CHRNA3: variants seen among roughly 807,000 people sequenced by gnomAD.
CHRNA3 encodes cholinergic receptor nicotinic alpha 3 subunit.
CHRNA3 carries 34 observed loss-of-function variants against 41.9 expected under a neutral mutation model. That is an observed-to-expected ratio of 0.81 (90% CI 0.62 to 1.08). The LOEUF (loss-of-function observed/expected upper bound fraction) is 1.08. CHRNA3 is among the 50% of genes least tolerant of loss of function. CHRNA3 has a pLI of 0.00. For synonymous variants in CHRNA3, 281 were observed against 265.2 expected, an observed-to-expected ratio of 1.06 and a Z score of -0.58; for missense variants, 542 against 638.3, an observed-to-expected ratio of 0.85 and a Z score of 1.63.
downstream of CHRNA3, chr15:78,593,410 A>G (rs2053044425): frequency 1.6e-6 from 1 of 644,120 alleles, no homozygotes; most frequent in African/African-American, 1.9e-5. Flanking sequence ...ATCCATTTGA[A>G]CAGTTGGCTG....
chr15:78,614,149 T>C (rs890698206), intron 4 of CHRNA3, among the ~76,000 whole-genome samples: 10 of 152,232 alleles, frequency 6.6e-5, no homozygotes, highest in Admixed American at 2.6e-4. Context: ...CCTCTCATTA[T>C]TGCTAAAATC....
downstream of CHRNA3, chr15:78,593,459 T>C: frequency 2.5e-6 from 1 of 407,232 alleles, no homozygotes; most frequent in East Asian, 4.2e-5. Flanking sequence ...CATTTGATCT[T>C]GTAAAAATAG....
downstream of CHRNA3, chr15:78,595,237 C>T (rs1207550082): frequency 1.0e-6 from 1 of 955,252 alleles, no homozygotes; most frequent in Non-Finnish European, 1.2e-6. Context: ...ATTACTGTTA[C>T]TTATGATTTT....
At chr15:78,606,333 C>CAA (rs56305942) in intron 4 of CHRNA3, among the ~76,000 whole-genome samples, 26,066 of 126,904 alleles carry the variant, frequency 0.21, 2,968 homozygotes, top group Middle Eastern at 0.31. Flanking sequence ...GAAGATGTCT[C>CAA]AAAAAAAAAA....
At position 78,597,356 on chromosome 15, in the gene CHRNA3, G is replaced by T. The variant is rs554191513; in HGVS notation, c.1390-624C>A. 5.3e-5 allele frequency among the ~76,000 whole-genome samples: 8 copies of T among 152,294 alleles called. No individual in the cohort carries two copies. In the South Asian group the frequency reaches 1.7e-3, roughly 32 times the overall value. Reference sequence around the variant, plus strand: ...TGAGGCATGAGAATTTCTTGAACCCGGGAGGCGGAGGTTGCAGTGAGCAGA... The same window carrying T: ...TGAGGCATGAGAATTTCTTGAACCCTGGAGGCGGAGGTTGCAGTGAGCAGA... On this transcript the variant is annotated intron_variant, in intron 5 of 5. Transcript: ENST00000326828.
chr15:78,597,720 A>G (rs2053135360), intron 5 of CHRNA3, among the ~76,000 whole-genome samples: 1 of 152,196 alleles, frequency 6.6e-6, no homozygotes, highest in Admixed American at 6.5e-5. Context: ...AGGAAGGAAA[A>G]TTGTAATTAT....
rs200223257 is a variant in CHRNA3, at chr15:78,596,420, C to T, written c.*184G>A. On this transcript the variant is annotated 3_prime_UTR_variant, in exon 6 of 6. Coordinates refer to ENST00000326828, the MANE Select transcript of CHRNA3 (RefSeq NM_000743.5). ...AAAGGCTAGTTAAATGTTCATTTAT[C>T]GGTAATAAATACTCTTGACATTTTT... is the stretch of plus-strand genomic sequence containing the variant. The T allele has an allele frequency of 2.9e-5, 37 of 1,264,132 alleles. No individual in the cohort carries two copies. The highest frequency in any genetic ancestry group is 2.0e-4 in the South Asian group (7 of 35,540). The allele number at this position is 1,264,132 out of a possible 1,614,324, so 78.3% of individuals were successfully genotyped here. A position where few individuals can be genotyped will look rare whatever the true frequency, so the allele number is the denominator to read the frequency against.
At chr15:78,593,252 G>A (rs202044161), downstream of CHRNA3, 8 of 1,608,892 alleles carry the variant, frequency 5.0e-6, no homozygotes, top group South Asian at 2.2e-5. Flanking sequence ...GCAAATAAGT[G>A]AAGCCTCCCA....
At chr15:78,608,737 C>T (rs190295736) in intron 4 of CHRNA3, among the ~76,000 whole-genome samples, 1 of 152,138 alleles carries the variant, frequency 6.6e-6, no homozygotes, top group Admixed American at 6.5e-5. Flanking sequence ...CGGAGAATGA[C>T]TTTGACAAGT....
chr15:78,614,224 A>G (rs2053428722), intron 4 of CHRNA3, among the ~76,000 whole-genome samples: 1 of 152,208 alleles, frequency 6.6e-6, no homozygotes, highest in Admixed American at 6.5e-5. Context: ...TATAAAACGC[A>G]AAACATGAAG....
Position 78,595,548 on chromosome 15 carries a change from C to G in CHRNA3, c.*1056G>C. The G allele has an allele frequency of 3.9e-6, 1 of 253,684 alleles. No individual in the cohort carries two copies. The highest frequency in any genetic ancestry group is 6.2e-6 in the Non-Finnish European group (1 of 161,078). The allele number at this position is 253,684 out of a possible 1,614,324, so 15.7% of individuals were successfully genotyped here. A position where few individuals can be genotyped will look rare whatever the true frequency, so the allele number is the denominator to read the frequency against. On this transcript the variant is annotated 3_prime_UTR_variant, in exon 6 of 6. Coordinates refer to ENST00000326828, the MANE Select transcript of CHRNA3 (RefSeq NM_000743.5). ...TAACTGGTGAAGAAGCAAGGTATGT[C>G]ATTGGCATCTAGTGAGTTGAGGCTA...
At chr15:78,619,916 G>C (rs1334926767) in intron 1 of CHRNA3, 1 of 152,330 alleles carries the variant, frequency 6.6e-6, no homozygotes, top group African/African-American at 2.4e-5. Context: ...GGTTGAGAGC[G>C]TATGGCGTTC....
intron 4 of CHRNA3, among the ~76,000 whole-genome samples, chr15:78,604,158 G>A (rs1055802544): frequency 1.3e-5 from 2 of 152,208 alleles, no homozygotes; most frequent in Non-Finnish European, 2.9e-5. Context: ...GGGGAATAGT[G>A]CCACTGCCTT....
chr15:78,620,950 G>C lies in CHRNA3; in HGVS notation c.-156C>G. On this transcript the variant is annotated 5_prime_UTR_variant, in exon 1 of 6. Transcript: ENST00000326828. ...CTCCTCTCCGCTTCGCCGCCGCTGG[G>C]TTTCCAGCGCCCTCGGACCCGCGGG... 2 of 999,508 alleles carry C rather than the reference G, an allele frequency of 2.0e-6. No homozygotes were observed. The highest frequency in any genetic ancestry group is 4.8e-5 in the Admixed American group (1 of 20,672). The allele number at this position is 999,508 out of a possible 1,614,324, so 61.9% of individuals were successfully genotyped here.
rs747089373 is a variant in CHRNA3 at position 78,596,047 on chromosome 15, T to C, written c.*557A>G. On this transcript the variant is annotated 3_prime_UTR_variant, in exon 6 of 6. Coordinates refer to ENST00000326828, the MANE Select transcript of CHRNA3 (RefSeq NM_000743.5). ...TATATTAACAATGAATAACTAGGCA[T>C]GATTTCTCATGGTATAATTTAGAAG... 20 of 981,522 alleles carry C rather than the reference T, an allele frequency of 2.0e-5. No homozygotes were observed. Among genetic ancestry groups the C allele is most frequent in the Non-Finnish European group, 2.4e-5 (20 of 826,584 alleles). The allele number at this position is 981,522 out of a possible 1,614,324, so 60.8% of individuals were successfully genotyped here. A position where few individuals can be genotyped will look rare whatever the true frequency, so the allele number is the denominator to read the frequency against.
intron 3 of CHRNA3, among the ~76,000 whole-genome samples, 191 bp from the exon 4 acceptor site, chr15:78,617,324 G>A (rs566435500): frequency 1.1e-3 from 163 of 152,172 alleles, no homozygotes; most frequent in Middle Eastern, 0.01. Context: ...CTGGCTCTGC[G>A]GGCCACCTCC....
Position 78,601,258 on chromosome 15 carries a change from T to A in CHRNA3, c.1384A>T (p.Lys462Ter). The change falls in exon 5 of 6, where the codon AAA (lysine) becomes TAA (stop). Residue 462 changes from lysine to a stop codon, truncating the protein, a stop_gained. Coordinates refer to ENST00000326828, the MANE Select transcript of CHRNA3 (RefSeq NM_000743.5). LOFTEE classifies it high-confidence loss of function. ...AATAAAAGCCATATCCTTACCTCTT[T>A]GGCTTCATTTTGTGCTTTCATATTT... Reference protein sequence around the residue: ...AENMKAQNEAKEIQDDWKYVA... With the variant: ...AENMKAQNEA 1 of 1,612,682 alleles carries A rather than the reference T, an allele frequency of 6.2e-7. No individual in the cohort carries two copies. Among genetic ancestry groups the A allele is most frequent in the Middle Eastern group, 1.7e-4 (1 of 6,058 alleles).
At chr15:78,605,955 G>A (rs1012247415) in intron 4 of CHRNA3, among the ~76,000 whole-genome samples, 28 of 152,204 alleles carry the variant, frequency 1.8e-4, no homozygotes, top group Admixed American at 2.0e-4. Context: ...TTCCCCCCAA[G>A]AACTTGCCCT....
chr15:78,617,110 T>C lies in CHRNA3; in HGVS notation c.291A>G (p.Lys97=), dbSNP rs3743075. 1,016,988 of 1,610,160 alleles carry C rather than the reference T, an allele frequency of 0.63. 323,844 individuals carry two copies. Among genetic ancestry groups the C allele is most frequent in the Admixed American group, 0.81 (48,512 of 59,966 alleles). Residue 97 remains lysine, a synonymous_variant, in exon 4 of 6, where the codon AAA becomes AAG. Coordinates refer to ENST00000326828, the MANE Select transcript of CHRNA3 (RefSeq NM_000743.5). ...LKQIWNDYKL[K]WNPSDYGGAE... ...CCCCACCATAGTCAGAGGGGTTCCATTTCAGCTTGTAGTCATTCCAGATCT... is the reference window on the plus strand; with the variant it reads ...CCCCACCATAGTCAGAGGGGTTCCACTTCAGCTTGTAGTCATTCCAGATCT...
Sources: gnomAD v4.1 joint callset for allele counts (sites outside exome capture counted in the v4.1 genomes callset) on GRCh38, gnomAD v4.1.1 for gene constraint, MANE v1.5 for transcripts, NCBI Gene and HGNC (gene_info 2026-07-23, HGNC 2026-07-21) for gene names.